SAMD5: variants seen among roughly 807,000 people sequenced by gnomAD.
The protein encoded by SAMD5 is sterile alpha motif domain containing 5.
SAMD5 carries 13 observed loss-of-function variants against 11.3 expected under a neutral mutation model. The ratio of observed to expected loss-of-function variants is 1.15; its 90% CI spans 0.75 to 1.83. The LOEUF (loss-of-function observed/expected upper bound fraction) is 1.83, where lower values mean the gene tolerates loss of function less well. SAMD5 is among the 40% of genes most tolerant of loss of function. SAMD5 has a pLI of 0.00. For synonymous variants in SAMD5, 129 were observed against 111.3 expected (o/e 1.16, Z -1.00); for missense variants, 255 against 239.1 (o/e 1.07, Z -0.44).
At chr6:147,933,135 G>A in the SAMD5 span, among the ~76,000 whole-genome samples, 1 of 152,162 alleles carries the variant, frequency 6.6e-6, no homozygotes, top group Non-Finnish European at 1.5e-5. Flanking sequence ...ACAGAAGATT[G>A]AGAAGCATCA....
the SAMD5 span, among the ~76,000 whole-genome samples, chr6:147,937,754 A>G: frequency 7.9e-5 from 12 of 152,250 alleles, no homozygotes; most frequent in Non-Finnish European, 1.8e-4. Context: ...AGATATGTAT[A>G]TAAGAATTTT....
At chr6:147,863,488 C>G in the SAMD5 span, among the ~76,000 whole-genome samples, 1 of 152,140 alleles carries the variant, frequency 6.6e-6, no homozygotes, top group Admixed American at 6.5e-5. Context: ...ATTTTGTTAC[C>G]TACTATGAAA....
At chr6:147,657,174 A>T (rs545320060) in intron 1 of SAMD5, among the ~76,000 whole-genome samples, 1 of 152,206 alleles carries the variant, frequency 6.6e-6, no homozygotes, top group South Asian at 2.1e-4. Flanking sequence ...GTACTTTCTT[A>T]TAGGTATGAA....
chr6:147,750,985 T>C, the SAMD5 span, among the ~76,000 whole-genome samples: 2 of 152,154 alleles, frequency 1.3e-5, no homozygotes, highest in Non-Finnish European at 2.9e-5. Flanking sequence ...CCCTAGATTA[T>C]GACAAAGTAG....
intron 1 of SAMD5, among the ~76,000 whole-genome samples, chr6:147,601,544 C>T (rs1356902359): frequency 6.6e-6 from 1 of 152,086 alleles, no homozygotes; most frequent in Non-Finnish European, 1.5e-5. Context: ...TTTGGTATGT[C>T]CTGAGCGCAC....
intron 1 of SAMD5, among the ~76,000 whole-genome samples, chr6:147,680,490 A>G (rs148884774): frequency 1.1e-3 from 164 of 152,224 alleles, no homozygotes; most frequent in African/African-American, 3.8e-3. Flanking sequence ...TCTTCCTTTC[A>G]GTCTGGATGC....
intron 1 of SAMD5, among the ~76,000 whole-genome samples, chr6:147,620,962 CTGTGTG>C (rs78040354): frequency 8.6e-5 from 11 of 128,450 alleles, no homozygotes; most frequent in East Asian, 2.8e-4. Context: ...GTATGTGCCT[CTGTGTG>C]TGTGTGTGTG....
At chr6:147,545,061 C>T (rs1788664221) in intron 1 of SAMD5, among the ~76,000 whole-genome samples, 1 of 152,064 alleles carries the variant, frequency 6.6e-6, no homozygotes, top group African/African-American at 2.4e-5. Flanking sequence ...TCAAAATGCA[C>T]CCAGTAATTA....
chr6:147,874,328 G>T, the SAMD5 span, among the ~76,000 whole-genome samples: 2 of 152,182 alleles, frequency 1.3e-5, no homozygotes, highest in Admixed American at 1.3e-4. Context: ...GGTAAAGGAA[G>T]AACATGCCCA....
At chr6:147,702,216 C>T (rs993367782) in intron 1 of SAMD5, among the ~76,000 whole-genome samples, 1 of 152,170 alleles carries the variant, frequency 6.6e-6, no homozygotes, top group Non-Finnish European at 1.5e-5. Flanking sequence ...ATAAGAACAG[C>T]ATGGGAAAGA....
chr6:147,768,347 A>G, the SAMD5 span, among the ~76,000 whole-genome samples: 918 of 152,144 alleles, frequency 6.0e-3, 5 homozygotes, highest in Middle Eastern at 0.041. Flanking sequence ...AAAATACAAA[A>G]ATTAGCCGGG....
downstream of SAMD5, among the ~76,000 whole-genome samples, chr6:147,574,413 T>C (rs1459879540): frequency 6.6e-6 from 1 of 152,194 alleles, no homozygotes; most frequent in African/African-American, 2.4e-5. Context: ...TCTTAACCTT[T>C]ATTTATCTTC....
At chr6:147,879,267 C>T in the SAMD5 span, among the ~76,000 whole-genome samples, 4 of 152,220 alleles carry the variant, frequency 2.6e-5, no homozygotes, top group Admixed American at 2.6e-4. Flanking sequence ...AGAATTTTGC[C>T]TTTCCATGAA....
the SAMD5 span, among the ~76,000 whole-genome samples, chr6:147,793,123 ACTGT>A: frequency 6.6e-6 from 1 of 152,172 alleles, no homozygotes; most frequent in South Asian, 2.1e-4. Flanking sequence ...CCTGACAAAC[ACTGT>A]CTGAGCCAGG....
At chr6:147,791,319 A>G in the SAMD5 span, among the ~76,000 whole-genome samples, 2 of 152,100 alleles carry the variant, frequency 1.3e-5, no homozygotes, top group Non-Finnish European at 2.9e-5. Flanking sequence ...TAAATGAAAG[A>G]TAAAGTTTCT....
Position 147,565,141 on chromosome 6 carries a change from C to T in SAMD5, c.*685C>T. On this transcript the variant is annotated 3_prime_UTR_variant, in exon 2 of 2. Transcript: ENST00000367474. ...ATCTGGCTGAGGTTTAGTATTAGGACTAATACAAGTGTCTTGCTCTGACAT... is the reference window on the plus strand; with the variant it reads ...ATCTGGCTGAGGTTTAGTATTAGGATTAATACAAGTGTCTTGCTCTGACAT... 4.1e-6 allele frequency: 4 copies of T among 985,256 alleles called. No individual in the cohort carries two copies. Among genetic ancestry groups the T allele is most frequent in the Non-Finnish European group, 4.8e-6 (4 of 829,522 alleles). The allele number at this position is 985,256 out of a possible 1,614,324, so 61.0% of individuals were successfully genotyped here.
chr6:147,886,217 C>T, the SAMD5 span, among the ~76,000 whole-genome samples: 1 of 152,144 alleles, frequency 6.6e-6, no homozygotes, highest in Non-Finnish European at 1.5e-5. Context: ...AATCTATACA[C>T]TCAGCTCTGC....
At chr6:147,873,604 T>G in the SAMD5 span, among the ~76,000 whole-genome samples, 1 of 152,158 alleles carries the variant, frequency 6.6e-6, no homozygotes, top group Non-Finnish European at 1.5e-5. Context: ...TATATCGTAC[T>G]AATGCTAATG....
chr6:147,533,043 G>A (rs1788453588), intron 1 of SAMD5, among the ~76,000 whole-genome samples: 1 of 152,066 alleles, frequency 6.6e-6, no homozygotes, highest in African/African-American at 2.4e-5. Flanking sequence ...CTGTACAGCA[G>A]AATGAAAGCA....
Sources: allele counts gnomAD v4.1 joint callset (sites outside exome capture counted in the v4.1 genomes callset), GRCh38; gene constraint gnomAD v4.1.1; transcripts MANE v1.5; gene names NCBI Gene and HGNC (gene_info 2026-07-23, HGNC 2026-07-21).